Variants in DAG1 observed in about 807,000 individuals in gnomAD.
DAG1 encodes dystroglycan 1 (dystrophin-associated glycoprotein 1).
Under a neutral mutation model 46.1 loss-of-function variants are expected in DAG1, and 8 were observed. The ratio of observed to expected loss-of-function variants is 0.17; its 90% CI spans 0.10 to 0.31. DAG1 has a LOEUF of 0.31. DAG1 is among the 10% of genes least tolerant of loss of function. DAG1 has a pLI of 1.00. For missense variants in DAG1, 1,003 were observed against 1,189.9 expected (o/e 0.84, Z 2.31); for synonymous variants, 495 against 481.8 (o/e 1.03, Z -0.36).
intron 2 of DAG1, among the ~76,000 whole-genome samples, chr3:49,511,250 G>T (rs764679837): frequency 6.6e-6 from 1 of 152,196 alleles, no homozygotes; most frequent in Non-Finnish European, 1.5e-5. Context: ...GTTGGCTAAT[G>T]TAATTGATCA....
chr3:49,519,780 A>G (rs2050982585), intron 2 of DAG1, among the ~76,000 whole-genome samples: 1 of 152,244 alleles, frequency 6.6e-6, no homozygotes, highest in African/African-American at 2.4e-5. Context: ...TGACAAAGTA[A>G]AATAGATGAT....
intron 1 of DAG1, among the ~76,000 whole-genome samples, chr3:49,509,142 G>A (rs1041775207): frequency 4.6e-5 from 7 of 152,104 alleles, no homozygotes; most frequent in Admixed American, 4.6e-4. Context: ...CCAGAATCCA[G>A]TCAAGAGATA....
At chr3:49,522,257 C>T (rs2051049602) in intron 2 of DAG1, among the ~76,000 whole-genome samples, 1 of 152,056 alleles carries the variant, frequency 6.6e-6, no homozygotes, top group African/African-American at 2.4e-5. Context: ...GTCTTGAACT[C>T]CTGACCTCAG....
At chr3:49,488,073 T>C (rs2050086099) in intron 1 of DAG1, among the ~76,000 whole-genome samples, 1 of 152,154 alleles carries the variant, frequency 6.6e-6, no homozygotes, top group South Asian at 2.1e-4. Context: ...GCATCATGTT[T>C]TGATTCATTA....
chr3:49,469,008 G>C (rs867623355), upstream of DAG1: 1 of 152,156 alleles, frequency 6.6e-6, no homozygotes, highest in Admixed American at 6.6e-5. Context: ...TTGTCTCTGT[G>C]AATGAGGTTT....
Position 49,480,901 on chromosome 3 carries a change from A to G in DAG1, c.-117+10468A>G, listed in dbSNP as rs1468131929. Among the ~76,000 whole-genome samples the G allele has an allele frequency of 3.7e-5, 5 of 136,752 alleles. 1 individual carries two copies. Among genetic ancestry groups the G allele is most frequent in the Admixed American group, 7.4e-5 (1 of 13,472 alleles). The allele number at this position is 136,752 out of a possible 152,430, so 89.7% of individuals were successfully genotyped here. A position where few individuals can be genotyped will look rare whatever the true frequency, so the allele number is the denominator to read the frequency against. On this transcript the variant is annotated intron_variant, in intron 1 of 2. Coordinates refer to ENST00000308775, the MANE Select transcript of DAG1 (RefSeq NM_004393.6). ...CTCAGCCTCCCGAGTAGCTGGGACT[A>G]CAGTTGCCTGTAGCCACACCTGGAT...
intron 1 of DAG1, among the ~76,000 whole-genome samples, chr3:49,478,797 C>T (rs866830611): frequency 4.8e-5 from 5 of 103,602 alleles, no homozygotes; most frequent in Non-Finnish European, 1.1e-4. Context: ...CTTGTCGTCC[C>T]CTCCCTTTTT....
At chr3:49,478,832 G>GTTTTTTTTTTA (rs2049778084) in intron 1 of DAG1, among the ~76,000 whole-genome samples, 1 of 41,276 alleles carries the variant, frequency 2.4e-5, no homozygotes, top group Non-Finnish European at 4.7e-5. Context: ...TTTTTTTTTG[G>GTTTTTTTTTTA]ATACAGAATC....
chr3:49,504,655 C>T (rs566302904), intron 1 of DAG1, among the ~76,000 whole-genome samples: 1 of 137,022 alleles, frequency 7.3e-6, no homozygotes, highest in African/African-American at 2.7e-5. Context: ...GGCACGATCT[C>T]GGCTCACTCC....
intron 1 of DAG1, among the ~76,000 whole-genome samples, chr3:49,478,906 C>G (rs559050758): frequency 7.0e-6 from 1 of 143,662 alleles, no homozygotes; most frequent in Non-Finnish European, 1.5e-5. Context: ...CTCTGCCTCC[C>G]GGGTTCAAGC....
chr3:49,494,967 T>G (rs972288506), intron 1 of DAG1, among the ~76,000 whole-genome samples: 3 of 152,062 alleles, frequency 2.0e-5, no homozygotes, highest in Non-Finnish European at 4.4e-5. Context: ...TTAGTGGAAT[T>G]TCCTTTCCTG....
Position 49,497,248 on chromosome 3 carries a change from C to G in DAG1, c.-116-13171C>G, listed in dbSNP as rs563248898. Among the ~76,000 whole-genome samples, 6 of 152,016 alleles carry G rather than the reference C, an allele frequency of 3.9e-5. No individual in the cohort carries two copies. In the South Asian group the frequency reaches 1.0e-3, roughly 26 times the overall value. ...GATCAGGAGTTCAAGACCAGCCTGG[C>G]TAACATGGTGAAATCCCATCCCTAC... On this transcript the variant is annotated intron_variant, in intron 1 of 2. Transcript: ENST00000308775.
At chr3:49,518,693 A>C (rs911396457) in intron 2 of DAG1, among the ~76,000 whole-genome samples, 1 of 152,158 alleles carries the variant, frequency 6.6e-6, no homozygotes, top group Non-Finnish European at 1.5e-5. Flanking sequence ...TTGCTTAACC[A>C]ATGCTGTTCT....
intron 1 of DAG1, among the ~76,000 whole-genome samples, chr3:49,492,249 C>T (rs1273759833): frequency 6.6e-6 from 1 of 152,166 alleles, no homozygotes; most frequent in Non-Finnish European, 1.5e-5. Context: ...TTCTTAAGAC[C>T]ACAGAACTTT....
chr3:49,515,006 T>G (rs917230513), intron 2 of DAG1, among the ~76,000 whole-genome samples: 1 of 152,234 alleles, frequency 6.6e-6, no homozygotes, highest in African/African-American at 2.4e-5. Flanking sequence ...ACTACAGGCA[T>G]GCGCCACCAC....
At chr3:49,509,302 G>A (rs1305053076) in intron 1 of DAG1, among the ~76,000 whole-genome samples, 1 of 152,116 alleles carries the variant, frequency 6.6e-6, no homozygotes, top group Non-Finnish European at 1.5e-5. Flanking sequence ...GAGTGGAGTG[G>A]TGTGCACCTG....
intron 1 of DAG1, among the ~76,000 whole-genome samples, chr3:49,492,002 C>T (rs2050202184): frequency 6.6e-6 from 1 of 150,552 alleles, no homozygotes; most frequent in African/African-American, 2.4e-5. Flanking sequence ...TCTCGGCTCC[C>T]TGCGACCTCT....
chr3:49,475,803 A>G (rs940738752), intron 1 of DAG1, among the ~76,000 whole-genome samples: 3 of 150,892 alleles, frequency 2.0e-5, no homozygotes, highest in Admixed American at 1.3e-4. Context: ...TCCTGGGTTC[A>G]TGACATTCTC....
intron 1 of DAG1, among the ~76,000 whole-genome samples, chr3:49,504,763 T>TA (rs1335315478): frequency 7.9e-6 from 1 of 126,958 alleles, no homozygotes; most frequent in African/African-American, 3.0e-5. Context: ...CCCAGCTAAT[T>TA]TTTTTTTTTT....
Sources: gnomAD v4.1 joint callset for allele counts (sites outside exome capture counted in the v4.1 genomes callset) on GRCh38, gnomAD v4.1.1 for gene constraint, MANE v1.5 for transcripts, NCBI Gene and HGNC (gene_info 2026-07-23, HGNC 2026-07-21) for gene names.